Variants in BCL2L1 observed in about 807,000 individuals in gnomAD.
BCL2L1 encodes the protein BCL2 like 1.
Under a neutral mutation model 18.7 loss-of-function variants are expected in BCL2L1, and 1 was observed. That is an observed-to-expected ratio of 0.05 (90% confidence interval 0.02 to 0.25). BCL2L1 has a LOEUF of 0.25. Among genes scored for constraint, BCL2L1 ranks in the 10% least tolerant of loss-of-function variants. The pLI, the probability that BCL2L1 is intolerant of heterozygous loss-of-function variation, is 1.00. For missense variants in BCL2L1, 207 were observed against 304.9 expected, an observed-to-expected ratio of 0.68 and a Z score of 2.39; for synonymous variants, 103 against 122.7, an observed-to-expected ratio of 0.84 and a Z score of 1.06.
In BCL2L1 at chr20:31,665,629, G is replaced by T; in HGVS notation, c.*320C>A. ...AGAAAAACATTTTCAGGGAGGCTAA[G>T]GGGTAAGGGTTGCACCAATCAGGTA... On this transcript the variant is annotated 3_prime_UTR_variant, in exon 3 of 3. Coordinates refer to ENST00000307677, the MANE Select transcript of BCL2L1 (RefSeq NM_138578.3). The T allele has an allele frequency of 3.1e-6, 1 of 326,666 alleles. No individual in the cohort carries two copies. Among genetic ancestry groups the T allele is most frequent in the Non-Finnish European group, 5.6e-6 (1 of 177,760 alleles). The allele number at this position is 326,666 out of a possible 1,614,324, so 20.2% of individuals were successfully genotyped here.
intron 2 of BCL2L1, among the ~76,000 whole-genome samples, chr20:31,674,546 G>A (rs1450385205): frequency 6.6e-6 from 1 of 152,154 alleles, no homozygotes; most frequent in African/African-American, 2.4e-5. Context: ...GGTAACCTGA[G>A]GCTCAGAGAT....
intron 2 of BCL2L1, among the ~76,000 whole-genome samples, chr20:31,674,443 C>T (rs34227207): frequency 1.3e-3 from 192 of 152,266 alleles, no homozygotes; most frequent in Non-Finnish European, 2.2e-3. Flanking sequence ...TTACTCCTAA[C>T]GTTGATGCAG....
chr20:31,709,615 C>T (rs145405076), intron 2 of BCL2L1, among the ~76,000 whole-genome samples: 10,250 of 151,778 alleles, frequency 0.068, 350 homozygotes, highest in Middle Eastern at 0.11. Context: ...GGGTGGATCA[C>T]GAGGTCAGGA....
chr20:31,722,010 C>T lies in BCL2L1; in HGVS notation c.209G>A (p.Gly70Asp), dbSNP rs1568907558. 6.2e-7 allele frequency: 1 copy of T among 1,613,646 alleles called. No individual in the cohort carries two copies. The highest frequency in any genetic ancestry group is 8.5e-7 in the Non-Finnish European group (1 of 1,179,670). ...ADSPAVNGAT[G>D]HSSSLDAREV... ...CCGGGCATCCAAACTGCTGCTGTGGCCAGTGGCTCCATTCACCGCGGGGCT... is the reference window on the plus strand; with the variant it reads ...CCGGGCATCCAAACTGCTGCTGTGGTCAGTGGCTCCATTCACCGCGGGGCT... Residue 70 changes from glycine to aspartate, a missense_variant, in exon 2 of 3, where the codon GGC becomes GAC. Physicochemically the swap from Gly to Asp is moderately conservative, Grantham distance 94 (BLOSUM62 -1). Transcript: ENST00000307677.
At chr20:31,706,113 CA>C (rs1208657209) in intron 2 of BCL2L1, among the ~76,000 whole-genome samples, 1 of 152,076 alleles carries the variant, frequency 6.6e-6, no homozygotes, top group East Asian at 1.9e-4. Flanking sequence ...GTGGGTAGAA[CA>C]AGAGGCAGTT....
chr20:31,709,727 C>A (rs756108523), intron 2 of BCL2L1, among the ~76,000 whole-genome samples: 1 of 149,392 alleles, frequency 6.7e-6, no homozygotes, highest in South Asian at 2.1e-4. Flanking sequence ...CCCAGCTACC[C>A]GGGAGGCTGA....
chr20:31,693,510 G>A (rs1463613816), intron 2 of BCL2L1, among the ~76,000 whole-genome samples: 3 of 151,922 alleles, frequency 2.0e-5, no homozygotes, highest in African/African-American at 7.3e-5. Context: ...GGGGTACACA[G>A]GGGGCTCTAA....
intron 2 of BCL2L1, among the ~76,000 whole-genome samples, chr20:31,696,676 G>T (rs867220368): frequency 1.3e-5 from 2 of 152,210 alleles, no homozygotes; most frequent in Non-Finnish European, 2.9e-5. Context: ...ACTTTGGGAC[G>T]TCAAGGTGGG....
At chr20:31,709,942 T>C (rs539613406) in intron 2 of BCL2L1, among the ~76,000 whole-genome samples, 1 of 149,610 alleles carries the variant, frequency 6.7e-6, no homozygotes, top group South Asian at 2.3e-4. Context: ...TGCCTCAGTC[T>C]CCCAAAGTGC....
At chr20:31,700,643 T>C (rs1408064572) in intron 2 of BCL2L1, among the ~76,000 whole-genome samples, 1 of 152,236 alleles carries the variant, frequency 6.6e-6, no homozygotes, top group African/African-American at 2.4e-5. Context: ...CTACAGCCCC[T>C]CTTTTCTCCG....
At chr20:31,675,450 G>T (rs1201451219) in intron 2 of BCL2L1, among the ~76,000 whole-genome samples, 1 of 152,198 alleles carries the variant, frequency 6.6e-6, no homozygotes, top group African/African-American at 2.4e-5. Context: ...AGGGGGTAGG[G>T]CAAACGGAGA....
At chr20:31,717,252 C>T (rs140374287) in intron 2 of BCL2L1, among the ~76,000 whole-genome samples, 71 of 152,286 alleles carry the variant, frequency 4.7e-4, no homozygotes, top group African/African-American at 1.5e-3. Context: ...CAGAGGAGGA[C>T]GCTCAAGCCC....
upstream of BCL2L1, chr20:31,723,202 C>A (rs2061665450): frequency 3.4e-6 from 3 of 877,152 alleles, no homozygotes; most frequent in Non-Finnish European, 4.1e-6. Context: ...AGACCCCCAA[C>A]AAATGCCGCT....
chr20:31,685,983 A>G (rs1234234852), intron 2 of BCL2L1, among the ~76,000 whole-genome samples: 1 of 152,120 alleles, frequency 6.6e-6, no homozygotes, highest in Non-Finnish European at 1.5e-5. Context: ...ACCCATTAGC[A>G]TATCCTGGCC....
intron 2 of BCL2L1, among the ~76,000 whole-genome samples, chr20:31,709,867 GAA>G (rs1215213105): frequency 2.0e-5 from 2 of 101,062 alleles, no homozygotes; most frequent in Admixed American, 1.0e-4. Flanking sequence ...AAAAAAAAAA[GAA>G]GAGACAAGGT....
chr20:31,691,834 A>G (rs1408712115), intron 2 of BCL2L1, among the ~76,000 whole-genome samples: 2 of 152,220 alleles, frequency 1.3e-5, no homozygotes, highest in East Asian at 3.8e-4. Flanking sequence ...GAGAAATGCA[A>G]ATTAAAACCG....
At chr20:31,708,915 A>T (rs1212097685) in intron 2 of BCL2L1, among the ~76,000 whole-genome samples, 1 of 152,196 alleles carries the variant, frequency 6.6e-6, no homozygotes, top group Non-Finnish European at 1.5e-5. Context: ...AAAAGGCTTC[A>T]ATCAATCCTT....
chr20:31,712,498 ATAATAT>A (rs774320061), intron 2 of BCL2L1, among the ~76,000 whole-genome samples: 40 of 152,234 alleles, frequency 2.6e-4, no homozygotes, highest in Admixed American at 8.5e-4. Flanking sequence ...AATGTTAACA[ATAATAT>A]TAATCACCAA....
At chr20:31,678,675 T>C (rs113680702) in intron 2 of BCL2L1, among the ~76,000 whole-genome samples, 8 of 152,272 alleles carry the variant, frequency 5.3e-5, no homozygotes, top group Non-Finnish European at 7.4e-5. Flanking sequence ...AAGAGAGCAA[T>C]AGGCACATCT....
Sources: gnomAD v4.1 joint callset for allele counts (sites outside exome capture counted in the v4.1 genomes callset) on GRCh38, gnomAD v4.1.1 for gene constraint, MANE v1.5 for transcripts, NCBI Gene and HGNC (gene_info 2026-07-23, HGNC 2026-07-21) for gene names.